WDR37: variants seen among roughly 807,000 people sequenced by gnomAD.
WDR37 encodes WD repeat domain 37, also known as WD repeat-containing protein 37.
WDR37 carries 19 observed loss-of-function variants against 62.9 expected under a neutral mutation model. That is an observed-to-expected ratio of 0.30 (90% CI 0.21 to 0.44). The LOEUF is 0.44. WDR37 is among the 20% of genes least tolerant of loss of function. The pLI is 1.00. For synonymous variants in WDR37, 250 were observed against 260.9 expected (o/e 0.96, Z 0.40); for missense variants, 474 against 657.6 (o/e 0.72, Z 3.05).
chr10:1,085,535 C>A (rs1834172744), intron 6 of WDR37, among the ~76,000 whole-genome samples: 1 of 152,122 alleles, frequency 6.6e-6, no homozygotes, highest in Non-Finnish European at 1.5e-5. Context: ...TGGCATAATA[C>A]CCCTTGAGAT....
chr10:1,096,028 T>TAAA (rs1374674009), intron 8 of WDR37, 142 bp from the exon 9 acceptor site: 2 of 678,478 alleles, frequency 2.9e-6, no homozygotes, highest in African/African-American at 1.8e-5. Flanking sequence ...AAAGAGTTAT[T>TAAA]TAAGTAAAAA....
At chr10:1,066,853 G>A (rs149037085) in intron 1 of WDR37, among the ~76,000 whole-genome samples, 317 of 152,338 alleles carry the variant, frequency 2.1e-3, no homozygotes, top group South Asian at 6.6e-3. Context: ...AAAGAGGAGC[G>A]AGTCACATTC....
chr10:1,121,102 G>T lies in WDR37; in HGVS notation c.1104-3116G>T, dbSNP rs371020370. Among the ~76,000 whole-genome samples, 10 of 152,326 alleles carry T rather than the reference G, an allele frequency of 6.6e-5. No homozygotes were observed. In the East Asian group the frequency reaches 1.9e-3, roughly 29 times the overall value. ...GGCCGTGCGCGCCAGCCTCCCCATG[G>T]GACCTGTGGGCTGAGGGTGCCTTGG... On this transcript the variant is annotated intron_variant, in intron 11 of 13. Transcript: ENST00000263150. The surrounding 1 kb of genome is among the most constrained non-coding windows in gnomAD (Gnocchi z 4.5).
chr10:1,089,236 C>A (rs1054433968), intron 7 of WDR37, among the ~76,000 whole-genome samples: 2 of 152,038 alleles, frequency 1.3e-5, no homozygotes, highest in African/African-American at 4.8e-5. Context: ...TGGCCCGCTC[C>A]TTCCTGGCTG....
rs967316228 is a variant in WDR37, at chr10:1,124,433, G to C, written c.1238+81G>C. The C allele has an allele frequency of 5.7e-6, 9 of 1,577,678 alleles. No individual in the cohort carries two copies. The South Asian group carries it at 1.0e-4, about 18-fold the overall frequency. ...TGTGATTTCATGTTTTATTCATGGA[G>C]GTTTAATTGATAGAACCCCGGGAAC... On this transcript the variant is annotated intron_variant, in intron 12 of 13. Coordinates refer to ENST00000263150, the MANE Select transcript of WDR37 (RefSeq NM_014023.4).
rs944825384 is a variant in WDR37 at position 1,130,988 on chromosome 10, T to C, written c.*1644T>C. ...GTGGCTAAGGGACAAACAGCAAATA[T>C]TTCAGTCATTTTGATTTTACAAATA... On this transcript the variant is annotated 3_prime_UTR_variant, in exon 14 of 14. Transcript: ENST00000263150. The C allele has an allele frequency of 6.6e-6, 1 of 152,214 alleles. No individual in the cohort carries two copies. Among genetic ancestry groups the C allele is most frequent in the Non-Finnish European group, 1.5e-5 (1 of 68,034 alleles). 9.4% of individuals were successfully genotyped at this position (152,214 alleles called of 1,614,324 possible).
In WDR37 at chr10:1,077,931, C is replaced by G; in HGVS notation, c.163C>G (p.Arg55Gly). ...GGATTCTAAACTGCCTTCCTCGGTTCGCAGTACACTTCTGGAACTGTTTGG... is the reference window on the plus strand; with the variant it reads ...GGATTCTAAACTGCCTTCCTCGGTTGGCAGTACACTTCTGGAACTGTTTGG... ...GQDSKLPSSV[R>G]STLLELFGQI... is the part of the protein sequence containing the mutation. Residue 55 changes from arginine to glycine, a missense_variant, in exon 3 of 14, where the codon CGC becomes GGC. Arg to Gly is a moderately radical substitution (Grantham distance 125). Transcript: ENST00000263150. 6.2e-7 allele frequency: 1 copy of G among 1,611,004 alleles called. No individual in the cohort carries two copies. Among genetic ancestry groups the G allele is most frequent in the Non-Finnish European group, 8.5e-7 (1 of 1,178,790 alleles).
intron 1 of WDR37, among the ~76,000 whole-genome samples, chr10:1,065,245 C>T (rs893262209): frequency 4.6e-5 from 7 of 152,016 alleles, no homozygotes; most frequent in East Asian, 1.9e-4. Flanking sequence ...TTTGTGATTA[C>T]GTTATAAATG....
chr10:1,117,736 A>G (rs894257673), intron 11 of WDR37, among the ~76,000 whole-genome samples: 1 of 152,234 alleles, frequency 6.6e-6, no homozygotes, highest in African/African-American at 2.4e-5. Context: ...TGGCTGCCTA[A>G]AGCGTCAGCT....
chr10:1,090,137 T>G (rs2131638120), intron 7 of WDR37, among the ~76,000 whole-genome samples: 1 of 152,214 alleles, frequency 6.6e-6, no homozygotes, highest in South Asian at 2.1e-4. Context: ...TGGCTAAATT[T>G]TGTATTTTTT....
intron 1 of WDR37, among the ~76,000 whole-genome samples, chr10:1,064,741 C>T (rs931167181): frequency 6.6e-6 from 1 of 151,872 alleles, no homozygotes; most frequent in Non-Finnish European, 1.5e-5. Context: ...TACAGGCATG[C>T]CACATCACGC....
At chr10:1,089,788 C>G (rs1834328142) in intron 7 of WDR37, among the ~76,000 whole-genome samples, 1 of 152,218 alleles carries the variant, frequency 6.6e-6, no homozygotes, top group African/African-American at 2.4e-5. Flanking sequence ...GGTGTCGTCT[C>G]TTCGCTCATC....
chr10:1,057,658 G>A (rs1163738958), intron 1 of WDR37, among the ~76,000 whole-genome samples: 2 of 152,158 alleles, frequency 1.3e-5, no homozygotes, highest in Non-Finnish European at 2.9e-5. Context: ...CAATAATAAT[G>A]TACTCATTTA....
Position 1,056,613 on chromosome 10 carries a change from CAGG to C in WDR37, c.-393_-391del, listed in dbSNP as rs1475649742. The C allele has an allele frequency of 2.0e-5, 3 of 152,254 alleles. No individual in the cohort carries two copies. Among genetic ancestry groups the C allele is most frequent in the African/African-American group, 7.2e-5 (3 of 41,464 alleles). The allele number at this position is 152,254 out of a possible 1,614,324, so 9.4% of individuals were successfully genotyped here. ...CCACCTCCCGCGAACCGCTCGGCGG[CAGG>C]AGTACGTGACCAAGGGTGGGGGCGT... On this transcript the variant is annotated 5_prime_UTR_variant, in exon 1 of 14. Coordinates refer to ENST00000263150, the MANE Select transcript of WDR37 (RefSeq NM_014023.4).
chr10:1,092,346 G>T (rs1258391237), intron 7 of WDR37, among the ~76,000 whole-genome samples: 2 of 150,706 alleles, frequency 1.3e-5, no homozygotes, highest in African/African-American at 4.9e-5. Context: ...ACAAAAGACC[G>T]TGTCTCTACT....
intron 9 of WDR37, chr10:1,096,632 C>T (rs1426142267): frequency 1.5e-5 from 3 of 204,768 alleles, no homozygotes; most frequent in Non-Finnish European, 3.0e-5. Flanking sequence ...TTTTATGCGT[C>T]GCCCGGTCTG....
At chr10:1,098,204 T>C (rs528741495) in intron 9 of WDR37, among the ~76,000 whole-genome samples, 2 of 152,132 alleles carry the variant, frequency 1.3e-5, no homozygotes, top group East Asian at 3.9e-4. Context: ...AATGAGGTAG[T>C]GGAGGGGATG....
At chr10:1,062,429 A>G (rs1445100717) in intron 1 of WDR37, among the ~76,000 whole-genome samples, 1 of 152,190 alleles carries the variant, frequency 6.6e-6, no homozygotes, top group African/African-American at 2.4e-5. Flanking sequence ...GAATGTCTGG[A>G]ATGCATCAGA....
chr10:1,076,414 T>A (rs1833879176), intron 2 of WDR37, among the ~76,000 whole-genome samples: 1 of 152,154 alleles, frequency 6.6e-6, no homozygotes, highest in Admixed American at 6.5e-5. Context: ...GCGCGGTGGC[T>A]CATGCCTGTA....
Sources: allele counts gnomAD v4.1 joint callset (sites outside exome capture counted in the v4.1 genomes callset), GRCh38; gene constraint gnomAD v4.1.1; non-coding constraint Gnocchi (gnomAD v3.1); transcripts MANE v1.5; gene names NCBI Gene and HGNC (gene_info 2026-07-23, HGNC 2026-07-21).